Variants in ROCK2 observed in about 807,000 individuals in gnomAD.
The protein encoded by ROCK2 is rho-associated protein kinase 2.
In ROCK2, 61 loss-of-function variants were observed where a neutral mutation model predicts 195.1. The ratio of observed to expected loss-of-function variants is 0.31; its 90% CI spans 0.25 to 0.39. The LOEUF (loss-of-function observed/expected upper bound fraction) is 0.39. Ranked by LOEUF, ROCK2 falls within the 10% of genes least tolerant of loss-of-function variation. ROCK2 has a pLI of 1.00. For synonymous variants in ROCK2, 504 were observed against 545.5 expected (o/e 0.92, Z 1.06); for missense variants, 1,109 against 1,637.4 (o/e 0.68, Z 5.57).
At chr2:11,256,941 A>G (rs1274772457) in intron 3 of ROCK2, among the ~76,000 whole-genome samples, 1 of 151,388 alleles carries the variant, frequency 6.6e-6, no homozygotes, top group Non-Finnish European at 1.5e-5. Context: ...TTACGCTCCA[A>G]GGTCACCCCG....
chr2:11,337,061 G>A (rs1668951846), intron 1 of ROCK2, among the ~76,000 whole-genome samples: 1 of 152,092 alleles, frequency 6.6e-6, no homozygotes, highest in African/African-American at 2.4e-5. Context: ...TGGCCAACAT[G>A]GTGAAACCCT....
intron 1 of ROCK2, among the ~76,000 whole-genome samples, chr2:11,333,528 G>GA (rs909934230): frequency 1.9e-4 from 28 of 150,128 alleles, no homozygotes; most frequent in African/African-American, 2.2e-4. Flanking sequence ...CATGTATTAG[G>GA]AAAAAAAAAG....
At chr2:11,289,202 G>C (rs1269111138) in intron 1 of ROCK2, among the ~76,000 whole-genome samples, 1 of 151,982 alleles carries the variant, frequency 6.6e-6, no homozygotes, top group Non-Finnish European at 1.5e-5. Flanking sequence ...CCAACTTCCA[G>C]GTAAGCTGGG....
intron 1 of ROCK2, chr2:11,307,929 G>C (rs553860246): frequency 2.2e-5 from 31 of 1,411,532 alleles, no homozygotes; most frequent in Non-Finnish European, 2.7e-5. Context: ...GGTCCTCCTG[G>C]CCCTGTTAAT....
At chr2:11,277,121 A>G (rs1231520480) in intron 3 of ROCK2, among the ~76,000 whole-genome samples, 1 of 152,208 alleles carries the variant, frequency 6.6e-6, no homozygotes, top group Non-Finnish European at 1.5e-5. Flanking sequence ...ATTTGTTACA[A>G]CTGATAAAGC....
At position 11,344,339 on chromosome 2, in the gene ROCK2, C is replaced by T. The variant is rs1003029272; in HGVS notation, c.-203G>A. 3 of 1,125,972 alleles carry T rather than the reference C, an allele frequency of 2.7e-6. No homozygotes were observed. In the African/African-American group the frequency reaches 4.8e-5, roughly 18 times the overall value. 69.7% of individuals were successfully genotyped at this position (1,125,972 alleles called of 1,614,324 possible). A position where few individuals can be genotyped will look rare whatever the true frequency, so the allele number is the denominator to read the frequency against. Reference sequence around the variant, plus strand: ...CCCGCCCGGCCCAGCCCGGCCCAGCCCGGCCCGGCCCTGCCGGGAGCGGCG... The same window carrying T: ...CCCGCCCGGCCCAGCCCGGCCCAGCTCGGCCCGGCCCTGCCGGGAGCGGCG... On this transcript the variant is annotated 5_prime_UTR_variant, in exon 1 of 33. Transcript: ENST00000315872. This position sits in a 1 kb window ranked among gnomAD's most constrained non-coding sequence, Gnocchi z 5.4.
chr2:11,316,483 T>C (rs1010754034), intron 1 of ROCK2, among the ~76,000 whole-genome samples: 2 of 152,148 alleles, frequency 1.3e-5, no homozygotes, highest in Non-Finnish European at 2.9e-5. Flanking sequence ...TTTAATTTCA[T>C]GTACTCCAAA....
chr2:11,284,106 T>C (rs1017136912), intron 3 of ROCK2, among the ~76,000 whole-genome samples: 2 of 152,114 alleles, frequency 1.3e-5, no homozygotes, highest in Admixed American at 6.5e-5. Context: ...CAAAAAGACA[T>C]GGAGAAACCT....
chr2:11,246,450 T>C (rs894944348), intron 4 of ROCK2, among the ~76,000 whole-genome samples: 9 of 151,756 alleles, frequency 5.9e-5, no homozygotes, highest in Admixed American at 2.0e-4. Flanking sequence ...GTGATAAAAC[T>C]ACAAAGGAAA....
chr2:11,195,738 C>T (rs1476752362), intron 27 of ROCK2, among the ~76,000 whole-genome samples: 1 of 152,178 alleles, frequency 6.6e-6, no homozygotes, highest in Non-Finnish European at 1.5e-5. Flanking sequence ...TAGTCTCGAA[C>T]TCCTGACCTC....
At chr2:11,198,883 CTTTT>C (rs34674935) in intron 23 of ROCK2, 109 bp from the exon 24 acceptor site, 150 of 482,986 alleles carry the variant, frequency 3.1e-4, no homozygotes, top group Middle Eastern at 5.8e-4. Flanking sequence ...TCTTATTTTT[CTTTT>C]TTTTTTTTTT....
At position 11,317,652 on chromosome 2, in the gene ROCK2, C is replaced by T. The variant is rs1474986543; in HGVS notation, c.141+26344G>A. Among the ~76,000 whole-genome samples, 3 of 104,506 alleles carry T rather than the reference C, an allele frequency of 2.9e-5. 1 individual carries two copies. Among genetic ancestry groups the T allele is most frequent in the African/African-American group, 1.1e-4 (3 of 26,982 alleles). The allele number at this position is 104,506 out of a possible 152,430, so 68.6% of individuals were successfully genotyped here. A position where few individuals can be genotyped will look rare whatever the true frequency, so the allele number is the denominator to read the frequency against. On this transcript the variant is annotated intron_variant, in intron 1 of 32. Coordinates refer to ENST00000315872, the MANE Select transcript of ROCK2 (RefSeq NM_004850.5). ...TAATTATACTTTAAGTTCTAGGGTA[C>T]ATGTGCACAACGTGCAGGCTTGTTA... is the stretch of plus-strand genomic sequence containing the variant.
chr2:11,344,769 G>A (rs1422418575), upstream of ROCK2, among the ~76,000 whole-genome samples: 1 of 149,794 alleles, frequency 6.7e-6, no homozygotes, highest in Non-Finnish European at 1.5e-5. The surrounding 1 kb of genome is among the most constrained non-coding windows in gnomAD (Gnocchi z 5.4). Flanking sequence ...CCCTTCCTGC[G>A]TCTGTCCCGC....
intron 3 of ROCK2, among the ~76,000 whole-genome samples, chr2:11,255,833 T>C (rs1016196590): frequency 2.1e-5 from 3 of 144,708 alleles, no homozygotes; most frequent in African/African-American, 8.0e-5. Flanking sequence ...GGCAGGGGAA[T>C]TGCTTAAACC....
At chr2:11,315,172 CA>C (rs1558386020) in intron 1 of ROCK2, among the ~76,000 whole-genome samples, 1 of 151,816 alleles carries the variant, frequency 6.6e-6, no homozygotes, top group Admixed American at 6.6e-5. Flanking sequence ...AAATAATTAC[CA>C]AAAAAAGTAA....
chr2:11,341,013 C>A lies in ROCK2; in HGVS notation c.141+2983G>T, dbSNP rs115158443. On this transcript the variant is annotated intron_variant, in intron 1 of 32. Coordinates refer to ENST00000315872, the MANE Select transcript of ROCK2 (RefSeq NM_004850.5). ...AAGCAGTATGAGAAGCTGGTCTTGA[C>A]AACAAAGCATAGGTATTTACCCAAA... 4.1e-3 allele frequency among the ~76,000 whole-genome samples: 628 copies of A among 151,458 alleles called. 3 individuals are homozygous for A. Among genetic ancestry groups the A allele is most frequent in the African/African-American group, 0.014 (566 of 41,238 alleles).
chr2:11,296,882 T>C (rs571492253), intron 1 of ROCK2, among the ~76,000 whole-genome samples: 1 of 152,300 alleles, frequency 6.6e-6, no homozygotes, highest in African/African-American at 2.4e-5. Context: ...GTAACTCCTT[T>C]TGTTATGAAT....
At chr2:11,296,006 GA>G (rs1265410726) in intron 1 of ROCK2, among the ~76,000 whole-genome samples, 66 of 2,268 alleles carry the variant, frequency 0.029, 1 homozygote, top group Middle Eastern at 0.17. Context: ...AGAGAGAGAG[GA>G]GAGAGAGAGA....
At chr2:11,210,485 C>T (rs549962682) in intron 18 of ROCK2, among the ~76,000 whole-genome samples, 5 of 151,920 alleles carry the variant, frequency 3.3e-5, no homozygotes, top group South Asian at 2.1e-4. Flanking sequence ...TGACTATAGG[C>T]GCACGCGACT....
Sources: gnomAD v4.1 joint callset for allele counts (sites outside exome capture counted in the v4.1 genomes callset) on GRCh38, gnomAD v4.1.1 for gene constraint, Gnocchi (gnomAD v3.1) non-coding constraint, MANE v1.5 for transcripts, NCBI Gene and HGNC (gene_info 2026-07-23, HGNC 2026-07-21) for gene names.